The following FBXO27 variants were observed in gnomAD, a reference collection of about 807,000 sequenced individuals.
FBXO27 encodes F-box protein 27, also known as F-box only protein 27.
FBXO27 carries 28 observed loss-of-function variants against 28.3 expected under a neutral mutation model. The ratio of observed to expected loss-of-function variants is 0.99; its 90% CI spans 0.73 to 1.36. The LOEUF (loss-of-function observed/expected upper bound fraction) is 1.36. FBXO27 is among the 40% of genes most tolerant of loss of function. FBXO27 has a pLI of 0.00. For missense variants in FBXO27, 388 were observed against 394.1 expected (o/e 0.98, Z 0.13); for synonymous variants, 175 against 167.3 (o/e 1.05, Z -0.36).
Position 39,026,990 on chromosome 19 carries a change from G to A in FBXO27, c.588C>T (p.His196=), listed in dbSNP as rs753532089. ...ICVSDWWGAR[H]DSGCMYRLLV... ...GGAGTCTGTACATACAGCCGCTGTC[G>A]TGTCGGGCTCCCCACCTGTGGGAGG... Residue 196 remains histidine, a synonymous_variant, in exon 5 of 6, where the codon CAC becomes CAT. Coordinates refer to ENST00000292853, the MANE Select transcript of FBXO27 (RefSeq NM_178820.5). 42 of 1,614,072 alleles carry A rather than the reference G, an allele frequency of 2.6e-5. No homozygotes were observed. The highest frequency in any genetic ancestry group is 5.3e-5 in the African/African-American group (4 of 74,942).
chr19:39,011,768 C>T (rs2072795672), intron 2 of FBXO27, among the ~76,000 whole-genome samples: 2 of 151,632 alleles, frequency 1.3e-5, no homozygotes, highest in Admixed American at 6.6e-5. Context: ...CCCACCTCGC[C>T]TCCCAAAGTG....
chr19:39,018,292 A>G lies in FBXO27; in HGVS notation c.92-3745T>C, dbSNP rs148692549. On this transcript the variant is annotated intron_variant, in intron 1 of 2. Coordinates refer to the FBXO27 transcript ENST00000598394. ...CAGTGTGAAATCATAATTGCACGAA[A>G]TTAACTGAAGTAATACTGTACTACT... is the stretch of plus-strand genomic sequence containing the variant. Among the ~76,000 whole-genome samples, 9 of 152,336 alleles carry G rather than the reference A, an allele frequency of 5.9e-5. No homozygotes were observed. In the East Asian group the frequency reaches 1.5e-3, roughly 26 times the overall value.
intron 2 of FBXO27, among the ~76,000 whole-genome samples, chr19:39,012,748 G>A (rs1469824743): frequency 6.6e-6 from 1 of 151,690 alleles, no homozygotes; most frequent in Non-Finnish European, 1.5e-5. Flanking sequence ...ACCTGAGGTT[G>A]GGAGTTTGAG....
In FBXO27 at chr19:39,025,116, C is replaced by G. The variant is rs2072865160; in HGVS notation, c.*295G>C. 1 of 332,864 alleles carries G rather than the reference C, an allele frequency of 3.0e-6. No homozygotes were observed. The highest frequency in any genetic ancestry group is 4.4e-5 in the Admixed American group (1 of 22,620). The allele number at this position is 332,864 out of a possible 1,614,324, so 20.6% of individuals were successfully genotyped here. ...GTTGGGAGGAGAAGAGAGGGGAGGG[C>G]AAGAATTCTTCTCCAGGATGGGCAT... is the stretch of plus-strand genomic sequence containing the variant. On this transcript the variant is annotated 3_prime_UTR_variant, in exon 6 of 6. Coordinates refer to ENST00000292853, the MANE Select transcript of FBXO27 (RefSeq NM_178820.5).
intron 5 of FBXO27, among the ~76,000 whole-genome samples, chr19:39,026,169 C>T (rs900431015): frequency 2.0e-5 from 3 of 152,164 alleles, no homozygotes; most frequent in Non-Finnish European, 2.9e-5. Flanking sequence ...TCTACTGTTT[C>T]TCTGGAACCC....
chr19:39,025,493 C>A lies in FBXO27; in HGVS notation c.770G>T (p.Gly257Val), dbSNP rs756589663. The A allele has an allele frequency of 3.1e-6, 5 of 1,613,986 alleles. No homozygotes were observed. In the East Asian group the frequency reaches 8.9e-5, roughly 29 times the overall value. The change falls in exon 6 of 6, where the codon GGC (glycine) becomes GTC (valine). Residue 257 changes from glycine (G) to valine (V), a missense_variant. By Grantham distance (109) the Gly-to-Val change is moderately radical (BLOSUM62 -3). Coordinates refer to ENST00000292853, the MANE Select transcript of FBXO27 (RefSeq NM_178820.5). Reference protein sequence around the residue: ...GVRFVSFEHRGQDTQFWAGHY... With the variant: ...GVRFVSFEHRVQDTQFWAGHY... ...GCCAGCCCAGAACTGTGTGTCCTGG[C>A]CCCGGTGTTCGAAAGACACAAAGCG...
At chr19:39,009,577 A>C (rs577151871) in intron 2 of FBXO27, among the ~76,000 whole-genome samples, 2 of 152,222 alleles carry the variant, frequency 1.3e-5, no homozygotes, top group African/African-American at 4.8e-5. Context: ...GTACTTACCG[A>C]ACACTGGTAT....
At chr19:39,014,964 G>A (rs1391427904) in intron 1 of FBXO27, among the ~76,000 whole-genome samples, 3 of 149,498 alleles carry the variant, frequency 2.0e-5, no homozygotes, top group Admixed American at 6.8e-5. Flanking sequence ...TTTGCAGTGA[G>A]CCGAGATCAC....
At position 39,025,330 on chromosome 19, in the gene FBXO27, T is replaced by C; in HGVS notation, c.*81A>G. 3 of 1,513,462 alleles carry C rather than the reference T, an allele frequency of 2.0e-6. No homozygotes were observed. The East Asian group carries it at 7.0e-5, about 35-fold the overall frequency. 93.8% of individuals were successfully genotyped at this position (1,513,462 alleles called of 1,614,324 possible). A position where few individuals can be genotyped will look rare whatever the true frequency, so the allele number is the denominator to read the frequency against. ...TGCCAGGGAGGTACAAGTGCTTGGT[T>C]GGTTAATGAGGGGTCCCAGCCAATG... On this transcript the variant is annotated 3_prime_UTR_variant, in exon 6 of 6. Coordinates refer to ENST00000292853, the MANE Select transcript of FBXO27 (RefSeq NM_178820.5).
rs1270084217 is a variant in FBXO27 at position 39,032,180 on chromosome 19, C to T, written c.48G>A (p.Pro16=). Residue 16 remains proline (P), a synonymous_variant, in exon 2 of 6, where the codon CCG becomes CCA. Coordinates refer to ENST00000292853, the MANE Select transcript of FBXO27 (RefSeq NM_178820.5). This position sits in a 1 kb window ranked among gnomAD's most constrained non-coding sequence, Gnocchi z 4.7. ...CCAGCGCCTCTTCGGGTTCCGGCTC[C>T]GGCGCGGGGACCCGGGCGGCCCGGC... ...SRGRAARVPA[P]EPEPEEALDL... 4 of 1,501,994 alleles carry T rather than the reference C, an allele frequency of 2.7e-6. No individual in the cohort carries two copies. The African/African-American group carries it at 5.9e-5, about 22-fold the overall frequency. 93.0% of individuals were successfully genotyped at this position (1,501,994 alleles called of 1,614,324 possible). A position where few individuals can be genotyped will look rare whatever the true frequency, so the allele number is the denominator to read the frequency against.
chr19:39,029,357 G>A (rs2072889973), intron 4 of FBXO27, among the ~76,000 whole-genome samples: 1 of 148,752 alleles, frequency 6.7e-6, no homozygotes, highest in Non-Finnish European at 1.5e-5. Context: ...AATCTGGGAG[G>A]TAGAGGTTGC....
chr19:39,009,855 G>C (rs1185700151), intron 2 of FBXO27, among the ~76,000 whole-genome samples: 1 of 152,048 alleles, frequency 6.6e-6, no homozygotes, highest in Non-Finnish European at 1.5e-5. Context: ...TGTCCCTCAG[G>C]CTGGAGTGCA....
Position 39,031,880 on chromosome 19 carries a change from G to T in FBXO27, c.348C>A (p.Arg116=). The T allele has an allele frequency of 1.3e-6, 2 of 1,487,074 alleles. No individual in the cohort carries two copies. The highest frequency in any genetic ancestry group is 2.1e-4 in the Middle Eastern group (1 of 4,802). 92.1% of individuals were successfully genotyped at this position (1,487,074 alleles called of 1,614,324 possible). ...AGATCCCACCTTGGCCGCAGGGGTT[G>T]CGAATAAGGTTGCGTCCGATGGGTC... ...ARRPIGRNLI[R]NPCGQEGLRK... is the part of the protein sequence containing the mutation. The change falls in exon 2 of 6, where the codon CGC becomes CGA. Residue 116 remains arginine (R), a synonymous_variant. Coordinates refer to ENST00000292853, the MANE Select transcript of FBXO27 (RefSeq NM_178820.5).
intron 2 of FBXO27, among the ~76,000 whole-genome samples, chr19:39,007,080 A>AAAAAC (rs60009845): frequency 1.4e-5 from 2 of 138,652 alleles, no homozygotes; most frequent in African/African-American, 6.0e-5. Context: ...AAAAAAAAAT[A>AAAAAC]CAGAAAAGTA....
intron 4 of FBXO27, among the ~76,000 whole-genome samples, chr19:39,028,339 T>G (rs1212302530): frequency 2.0e-5 from 3 of 152,330 alleles, no homozygotes; most frequent in East Asian, 1.9e-4. Context: ...GCTACCTTTA[T>G]GAGGTGCGGC....
intron 4 of FBXO27, chr19:39,030,379 G>A (rs1472061149): frequency 1.3e-5 from 2 of 152,630 alleles, no homozygotes; most frequent in African/African-American, 2.4e-5. Flanking sequence ...GTTTGAATCT[G>A]GGAGGTCTGG....
In FBXO27 at chr19:39,029,332, C is replaced by T. The variant is rs770566737; in HGVS notation, c.572+1697G>A. ...ATCCCAGCTACTCGGGAGGCTGAGGCAGGAGAATCACTTGAATCTGGGAGG... is the reference window on the plus strand; with the variant it reads ...ATCCCAGCTACTCGGGAGGCTGAGGTAGGAGAATCACTTGAATCTGGGAGG... On this transcript the variant is annotated intron_variant, in intron 4 of 5. Coordinates refer to ENST00000292853, the MANE Select transcript of FBXO27 (RefSeq NM_178820.5). Among the ~76,000 whole-genome samples the T allele has an allele frequency of 2.7e-5, 4 of 148,846 alleles. No homozygotes were observed. The South Asian group carries it at 6.3e-4, about 24-fold the overall frequency.
chr19:39,027,647 T>C (rs1175467269), intron 4 of FBXO27, among the ~76,000 whole-genome samples: 1 of 151,988 alleles, frequency 6.6e-6, no homozygotes. Flanking sequence ...AATTATTGAA[T>C]TGTGAAGGTG....
intron 4 of FBXO27, among the ~76,000 whole-genome samples, chr19:39,027,432 A>G (rs1378980454): frequency 1.3e-5 from 2 of 152,172 alleles, no homozygotes; most frequent in African/African-American, 4.8e-5. Context: ...CCCTTGGTCA[A>G]CAAAATTCCA....
Sources: allele counts gnomAD v4.1 joint callset (sites outside exome capture counted in the v4.1 genomes callset), GRCh38; gene constraint gnomAD v4.1.1; non-coding constraint Gnocchi (gnomAD v3.1); transcripts MANE v1.5; gene names NCBI Gene and HGNC (gene_info 2026-07-23, HGNC 2026-07-21).